TATDN2: variants seen among roughly 807,000 people sequenced by gnomAD.
TATDN2 encodes the protein 3'-5' RNA nuclease TATDN2.
In TATDN2, 44 loss-of-function variants were observed where a neutral mutation model predicts 60.3. The observed-to-expected ratio is 0.73, with a 90% confidence interval of 0.57 to 0.94. The LOEUF (loss-of-function observed/expected upper bound fraction) is 0.94. Ranked by LOEUF, TATDN2 falls within the 40% of genes least tolerant of loss-of-function variation. TATDN2 has a pLI of 0.00. For synonymous variants in TATDN2, 399 were observed against 355.8 expected (o/e 1.12, Z -1.37); for missense variants, 997 against 948.0 (o/e 1.05, Z -0.68).
intron 5 of TATDN2, 131 bp downstream of exon 5, chr3:10,276,619 C>G: frequency 3.1e-6 from 4 of 1,284,718 alleles, no homozygotes; most frequent in Non-Finnish European, 4.1e-6. Flanking sequence ...GACGGAATCT[C>G]ACCCTGTCGC....
rs755075943 is a variant in TATDN2 at position 10,249,571 on chromosome 3, T to C, written c.371T>C (p.Leu124Ser). 2 of 1,544,240 alleles carry C rather than the reference T, an allele frequency of 1.3e-6. No individual in the cohort carries two copies. Among genetic ancestry groups the C allele is most frequent in the Non-Finnish European group, 1.7e-6 (2 of 1,147,782 alleles). Reference protein sequence around the residue: ...GSPLRPANASLEEMASLEEEA... With the variant: ...GSPLRPANASSEEMASLEEEA... The stretch of plus-strand genomic sequence containing the variant: ...CCTCTGCGTCCTGCCAACGCCTCTT[T>C]GGAAGAAATGGCTTCTCTAGAGGAG... Residue 124 changes from leucine (L) to serine (S), a missense_variant, in exon 2 of 8, where the codon TTG (leucine) becomes TCG (serine). By Grantham distance (145) the Leu-to-Ser change is moderately radical. Transcript: ENST00000448281.
At position 10,249,180 on chromosome 3, in the gene TATDN2, C is replaced by A. The variant is rs1698179823; in HGVS notation, c.-6-15C>A. On this transcript the variant is annotated splice_polypyrimidine_tract_variant and intron_variant, in intron 1 of 7. Coordinates refer to ENST00000448281, the MANE Select transcript of TATDN2 (RefSeq NM_014760.4). ...GAAGGGTGGTGTTGGAATCCAGGCC[C>A]CCTGTACCTTGCAGGTGCCCATGGC... 1 of 1,508,450 alleles carries A rather than the reference C, an allele frequency of 6.6e-7. No individual in the cohort carries two copies. The highest frequency in any genetic ancestry group is 8.9e-7 in the Non-Finnish European group (1 of 1,128,460). 93.4% of individuals were successfully genotyped at this position (1,508,450 alleles called of 1,614,324 possible). A position where few individuals can be genotyped will look rare whatever the true frequency, so the allele number is the denominator to read the frequency against.
Position 10,278,652 on chromosome 3 carries a change from A to T in TATDN2, c.2145+190A>T. On this transcript the variant is annotated intron_variant, in intron 6 of 7. Transcript: ENST00000448281. This position sits in a 1 kb window ranked among gnomAD's most constrained non-coding sequence, Gnocchi z 4.7. Reference sequence around the variant, plus strand: ...GGGGCTGAGAAGCTGAAGGGTAACCACTCTCTTCCAGGCAGTGCAAAGCCC... The same window carrying T: ...GGGGCTGAGAAGCTGAAGGGTAACCTCTCTCTTCCAGGCAGTGCAAAGCCC... 8.1e-6 allele frequency: 8 copies of T among 983,432 alleles called. No individual in the cohort carries two copies. The highest frequency in any genetic ancestry group is 1.3e-5 in the Non-Finnish European group (8 of 639,372). 60.9% of individuals were successfully genotyped at this position (983,432 alleles called of 1,614,324 possible).
At chr3:10,273,826 T>G (rs961808371) in intron 4 of TATDN2, among the ~76,000 whole-genome samples, 1 of 152,230 alleles carries the variant, frequency 6.6e-6, no homozygotes, top group African/African-American at 2.4e-5. Context: ...GTTTACAGAT[T>G]AACTATGTAA....
At chr3:10,271,159 T>A in intron 4 of TATDN2, 144 bp downstream of exon 4, 1 of 1,002,640 alleles carries the variant, frequency 1.0e-6, no homozygotes, top group Non-Finnish European at 1.4e-6. Context: ...CCAGACCATC[T>A]AGATGCCATT....
chr3:10,249,115 C>G (rs1461442424), intron 1 of TATDN2, 48 bp downstream of exon 1: 1 of 1,472,742 alleles, frequency 6.8e-7, no homozygotes, highest in East Asian at 2.4e-5. Flanking sequence ...TGCCGTCCTC[C>G]TGGGCCCGGG....
chr3:10,266,457 C>T (rs1269501935), intron 3 of TATDN2, among the ~76,000 whole-genome samples: 1 of 152,196 alleles, frequency 6.6e-6, no homozygotes, highest in African/African-American at 2.4e-5. Flanking sequence ...GTGTTGGGAT[C>T]AGACCATTTG....
In TATDN2 at chr3:10,249,352, GC is replaced by G. The variant is rs1329108683; in HGVS notation, c.156del (p.Lys53SerfsTer3). The G allele has an allele frequency of 6.2e-7, 1 of 1,612,702 alleles. No homozygotes were observed. Among genetic ancestry groups the G allele is most frequent in the Non-Finnish European group, 8.5e-7 (1 of 1,179,222 alleles). On this transcript the variant is annotated frameshift_variant, in exon 2 of 8. Transcript: ENST00000448281. LOFTEE classifies it high-confidence loss of function. ...GCGTCGCGTTCTGGAGGGCCCAGCA[GC>G]CCCAAGCGCCTGAAAGCCCAGAAGG... ...RSASRSGGPSSPKRLKAQKED... is the reference protein window; with the variant it reads ...RSASRSGGPSXPKRLKAQKED...
chr3:10,249,658 A>T lies in TATDN2; in HGVS notation c.414+44A>T. 3 of 1,485,652 alleles carry T rather than the reference A, an allele frequency of 2.0e-6. No individual in the cohort carries two copies. In the South Asian group the frequency reaches 4.2e-5, roughly 21 times the overall value. 92.0% of individuals were successfully genotyped at this position (1,485,652 alleles called of 1,614,324 possible). A position where few individuals can be genotyped will look rare whatever the true frequency, so the allele number is the denominator to read the frequency against. On this transcript the variant is annotated intron_variant, in intron 2 of 7. Coordinates refer to ENST00000448281, the MANE Select transcript of TATDN2 (RefSeq NM_014760.4). Reference sequence around the variant, plus strand: ...TTGCAATCGGTGAAGCCCCTTCCACATGGCTTGAGAGGTTGGGGATGGGAA... The same window carrying T: ...TTGCAATCGGTGAAGCCCCTTCCACTTGGCTTGAGAGGTTGGGGATGGGAA...
intron 3 of TATDN2, among the ~76,000 whole-genome samples, chr3:10,262,270 G>A (rs970203417): frequency 1.3e-5 from 2 of 151,924 alleles, no homozygotes; most frequent in African/African-American, 2.4e-5. Flanking sequence ...CATTTCTCCC[G>A]GATTGAGTCT....
chr3:10,276,325 C>T (rs1450289203), intron 4 of TATDN2, 36 bp from the exon 5 acceptor site: 3 of 1,609,730 alleles, frequency 1.9e-6, no homozygotes, highest in Non-Finnish European at 2.5e-6. Flanking sequence ...TGAAGTGCTG[C>T]TAACCAACAG....
intron 2 of TATDN2, among the ~76,000 whole-genome samples, chr3:10,256,525 T>C (rs1452386040): frequency 1.3e-5 from 2 of 152,098 alleles, no homozygotes; most frequent in African/African-American, 2.4e-5. Flanking sequence ...GAACCGTGCC[T>C]GCTGGCACAG....
chr3:10,272,743 A>T (rs904396183), intron 4 of TATDN2, among the ~76,000 whole-genome samples: 1 of 151,838 alleles, frequency 6.6e-6, no homozygotes, highest in African/African-American at 2.4e-5. Context: ...TACAAAAATT[A>T]GCTGGGTATA....
chr3:10,259,248 C>T (rs576150060), intron 2 of TATDN2, among the ~76,000 whole-genome samples: 6 of 152,306 alleles, frequency 3.9e-5, no homozygotes, highest in South Asian at 4.1e-4. Context: ...CCACCTGCCT[C>T]GGCTTCCCAA....
In TATDN2 at chr3:10,270,141, G is replaced by C. The variant is rs1026281429; in HGVS notation, c.959G>C (p.Arg320Thr). ...CCTTCTTTTCTGCAGCATAAAGATA[G>C]GGAGGTGGTGATGGAGCACCCCTCT... is the stretch of plus-strand genomic sequence containing the variant. Reference protein sequence around the residue: ...SHLEIQKHKDREVVMEHPSSG... With the variant: ...SHLEIQKHKDTEVVMEHPSSG... The change falls in exon 4 of 8, where the codon AGG (arginine) becomes ACG (threonine). Residue 320 changes from arginine (R) to threonine (T), a missense_variant. Physicochemically the swap from Arg to Thr is moderately conservative, Grantham distance 71. Transcript: ENST00000448281. 1.2e-5 allele frequency: 19 copies of C among 1,611,658 alleles called. No homozygotes were observed. The East Asian group carries it at 4.2e-4, about 36-fold the overall frequency.
At chr3:10,266,409 T>A (rs1388873798) in intron 3 of TATDN2, among the ~76,000 whole-genome samples, 2 of 152,236 alleles carry the variant, frequency 1.3e-5, no homozygotes, top group Non-Finnish European at 2.9e-5. Context: ...CTTACGTATC[T>A]ATTTGGAGAC....
intron 3 of TATDN2, among the ~76,000 whole-genome samples, chr3:10,269,179 T>C (rs561704785): frequency 1.7e-3 from 261 of 152,226 alleles, no homozygotes; most frequent in Middle Eastern, 3.4e-3. Context: ...CAGGATGTCA[T>C]TTGGGTTGCC....
Position 10,249,217 on chromosome 3 carries a change from G to T in TATDN2, c.17G>T (p.Gly6Val). 1.3e-6 allele frequency: 2 copies of T among 1,528,080 alleles called. No homozygotes were observed. Among genetic ancestry groups the T allele is most frequent in the South Asian group, 1.3e-5 (1 of 78,246 alleles). 94.7% of individuals were successfully genotyped at this position (1,528,080 alleles called of 1,614,324 possible). Residue 6 changes from glycine (G) to valine (V), a missense_variant, in exon 2 of 8, where the codon GGC becomes GTC. Physicochemically the swap from Gly to Val is moderately radical, Grantham distance 109 (BLOSUM62 -3). Coordinates refer to ENST00000448281, the MANE Select transcript of TATDN2 (RefSeq NM_014760.4). MASERGKVKHNWSSTS... is the reference protein window; with the variant it reads MASERVKVKHNWSSTS... Reference sequence around the variant, plus strand: ...CAGGTGCCCATGGCGTCCGAGCGGGGCAAGGTCAAGCACAACTGGAGCAGC... The same window carrying T: ...CAGGTGCCCATGGCGTCCGAGCGGGTCAAGGTCAAGCACAACTGGAGCAGC...
chr3:10,261,844 G>A (rs954499302), intron 3 of TATDN2, among the ~76,000 whole-genome samples: 2 of 152,146 alleles, frequency 1.3e-5, no homozygotes, highest in African/African-American at 4.8e-5. Flanking sequence ...TGAGAATTTA[G>A]TTCTCTATAC....
Sources: gnomAD v4.1 joint callset for allele counts (sites outside exome capture counted in the v4.1 genomes callset) on GRCh38, gnomAD v4.1.1 for gene constraint, Gnocchi (gnomAD v3.1) non-coding constraint, MANE v1.5 for transcripts, NCBI Gene and HGNC (gene_info 2026-07-23, HGNC 2026-07-21) for gene names.